Variants in COL24A1 observed in about 807,000 individuals in gnomAD.
The protein encoded by COL24A1 is collagen type XXIV alpha 1 chain, also known as collagen alpha-1(XXIV) chain.
In COL24A1, 224 loss-of-function variants were observed where a neutral mutation model predicts 253.9. The observed-to-expected ratio is 0.88, with a 90% CI of 0.79 to 0.99. COL24A1 has a LOEUF of 0.99. Ranked by LOEUF, COL24A1 falls within the 50% of genes least tolerant of loss-of-function variation. COL24A1 has a pLI of 0.00. For missense variants in COL24A1, 2,131 were observed against 2,068.5 expected, an observed-to-expected ratio of 1.03 and a Z score of -0.59; for synonymous variants, 685 against 673.7, an observed-to-expected ratio of 1.02 and a Z score of -0.26.
intron 28 of COL24A1, among the ~76,000 whole-genome samples, chr1:85,906,674 T>C (rs1338053860): frequency 3.3e-5 from 5 of 151,902 alleles, no homozygotes; most frequent in Non-Finnish European, 5.9e-5. Flanking sequence ...TTAAAAAGGA[T>C]TTAATGTTTA....
chr1:86,061,783 AT>A (rs1448977965), intron 8 of COL24A1, among the ~76,000 whole-genome samples: 1 of 152,050 alleles, frequency 6.6e-6, no homozygotes, highest in Non-Finnish European at 1.5e-5. Context: ...TTAAAGATAG[AT>A]TTTTTTAAAA....
intron 25 of COL24A1, among the ~76,000 whole-genome samples, chr1:85,910,542 A>G (rs559822383): frequency 1.3e-5 from 2 of 152,118 alleles, no homozygotes; most frequent in African/African-American, 4.8e-5. Context: ...AAGAGTATCA[A>G]CATTTTAGTA....
In COL24A1 at chr1:85,935,633, G is replaced by A. The variant is rs968499268; in HGVS notation, c.2563-24200C>T. 5.4e-5 allele frequency among the ~76,000 whole-genome samples: 8 copies of A among 147,602 alleles called. 1 individual carries two copies. The highest frequency in any genetic ancestry group is 2.0e-4 in the African/African-American group (8 of 40,336). ...TGGTCTATATGCTCTGTAAAGCAGGGATGATGTCTGTATTATCTTCTGTAT... is the reference window on the plus strand; with the variant it reads ...TGGTCTATATGCTCTGTAAAGCAGGAATGATGTCTGTATTATCTTCTGTAT... On this transcript the variant is annotated intron_variant, in intron 24 of 59. Transcript: ENST00000370571.
At chr1:86,094,407 C>T (rs961728429) in intron 5 of COL24A1, among the ~76,000 whole-genome samples, 1 of 151,966 alleles carries the variant, frequency 6.6e-6, no homozygotes, top group Non-Finnish European at 1.5e-5. Flanking sequence ...AAACCAAATA[C>T]CACATATTCT....
rs1230061696 is a variant in COL24A1, at chr1:86,141,702, C to CTTTTTTTTTTTTTTTTTTTTTTTT, written c.121+4416_121+4417insAAAAAAAAAAAAAAAAAAAAAAAA. 2.8e-5 allele frequency among the ~76,000 whole-genome samples: 4 copies of CTTTTTTTTTTTTTTTTTTTTTTTT among 142,242 alleles called. No individual in the cohort carries two copies. The East Asian group carries it at 8.1e-4, about 29-fold the overall frequency. 93.3% of individuals were successfully genotyped at this position (142,242 alleles called of 152,430 possible). A position where few individuals can be genotyped will look rare whatever the true frequency, so the allele number is the denominator to read the frequency against. ...TGTTAAGCATATTTTTAGTGTCTTA[C>CTTTTTTTTTTTTTTTTTTTTTTTT]TTTTTTTTTTTTTTTTGAGACAGAG... is the stretch of plus-strand genomic sequence containing the variant. On this transcript the variant is annotated intron_variant, in intron 2 of 59. Coordinates refer to ENST00000370571, the MANE Select transcript of COL24A1 (RefSeq NM_152890.7).
chr1:86,134,921 G>A (rs1175341515), intron 2 of COL24A1, among the ~76,000 whole-genome samples: 1 of 151,282 alleles, frequency 6.6e-6, no homozygotes, highest in East Asian at 1.9e-4. Flanking sequence ...CTTCTGTCTC[G>A]TGGATCTGTC....
chr1:85,826,274 A>G (rs1272580691), intron 43 of COL24A1, among the ~76,000 whole-genome samples: 1 of 146,690 alleles, frequency 6.8e-6, no homozygotes. Flanking sequence ...GTTCTGTTCC[A>G]TTGATCTATA....
intron 31 of COL24A1, among the ~76,000 whole-genome samples, chr1:85,890,073 T>C (rs541865460): frequency 6.6e-5 from 10 of 152,324 alleles, no homozygotes; most frequent in African/African-American, 2.2e-4. Flanking sequence ...TGTTGTAGCA[T>C]GTGTCAAAAC....
chr1:85,850,154 G>A (rs1677598375), intron 37 of COL24A1, among the ~76,000 whole-genome samples: 2 of 152,096 alleles, frequency 1.3e-5, no homozygotes, highest in African/African-American at 2.4e-5. Context: ...TTAAGTAAAA[G>A]TGGGGCACTA....
At chr1:86,149,600 G>A (rs1652453841) in intron 1 of COL24A1, among the ~76,000 whole-genome samples, 1 of 152,194 alleles carries the variant, frequency 6.6e-6, no homozygotes, top group Admixed American at 6.5e-5. Context: ...CAGATGCATA[G>A]AAACAACCCA....
At chr1:86,012,212 C>G (rs2101157482) in intron 19 of COL24A1, among the ~76,000 whole-genome samples, 1 of 152,288 alleles carries the variant, frequency 6.6e-6, no homozygotes, top group East Asian at 1.9e-4. Flanking sequence ...CTTTCTATAG[C>G]TGGCAGTTTT....
At chr1:86,031,385 G>A (rs979261553) in intron 14 of COL24A1, among the ~76,000 whole-genome samples, 13 of 151,992 alleles carry the variant, frequency 8.6e-5, no homozygotes, top group Non-Finnish European at 1.5e-5. Context: ...AAATAAAAGA[G>A]TGAAATTAGA....
chr1:85,966,915 G>A (rs536857083), intron 22 of COL24A1, among the ~76,000 whole-genome samples: 1 of 152,212 alleles, frequency 6.6e-6, no homozygotes, highest in South Asian at 2.1e-4. Flanking sequence ...GAGGGAAACT[G>A]ACACCAAAAA....
chr1:85,796,737 A>T (rs1019555665), intron 47 of COL24A1, among the ~76,000 whole-genome samples: 9 of 152,248 alleles, frequency 5.9e-5, no homozygotes, highest in Non-Finnish European at 1.2e-4. Context: ...AAATACATGC[A>T]GTGTACTATG....
Position 86,022,302 on chromosome 1 carries a change from A to G in COL24A1, c.2203-9T>C. 6.6e-7 allele frequency: 1 copy of G among 1,522,118 alleles called. No individual in the cohort carries two copies. The highest frequency in any genetic ancestry group is 8.7e-7 in the Non-Finnish European group (1 of 1,144,924). 94.3% of individuals were successfully genotyped at this position (1,522,118 alleles called of 1,614,324 possible). On this transcript the variant is annotated splice_polypyrimidine_tract_variant and intron_variant, in intron 17 of 59. Transcript: ENST00000370571. The stretch of plus-strand genomic sequence containing the variant: ...GGTAAACCAACAGCACCCTAAGAGA[A>G]GAGAATAACAGAAGAGAAAGTTATT...
chr1:86,015,009 C>A (rs545725437), intron 19 of COL24A1, among the ~76,000 whole-genome samples: 58 of 152,244 alleles, frequency 3.8e-4, no homozygotes, highest in Admixed American at 9.8e-4. Context: ...AGACCCTTTA[C>A]CTGAGTAAAA....
At chr1:85,816,583 T>G (rs924252047) in intron 47 of COL24A1, among the ~76,000 whole-genome samples, 1 of 152,192 alleles carries the variant, frequency 6.6e-6, no homozygotes, top group African/African-American at 2.4e-5. Flanking sequence ...ACACTATGAG[T>G]TATTAGATAT....
Position 85,868,595 on chromosome 1 carries a change from T to A in COL24A1, c.3224A>T (p.Glu1075Val). 1 of 1,613,748 alleles carries A rather than the reference T, an allele frequency of 6.2e-7. No individual in the cohort carries two copies. Among genetic ancestry groups the A allele is most frequent in the Non-Finnish European group, 8.5e-7 (1 of 1,179,852 alleles). The change falls in exon 37 of 60, where the codon GAG (glutamate) becomes GTG (valine). Residue 1075 changes from glutamate (E) to valine (V), a missense_variant. By Grantham distance (121) the Glu-to-Val change is moderately radical (BLOSUM62 -2). Transcript: ENST00000370571. ...GCCCATCTCTCCTTTTTCTCCATCC[T>A]CTCCAGGAAGTCCCCTTCCTCCTGG... Reference protein sequence around the residue: ...GVPGGRGLPGEDGEKGEMGLP... With the variant: ...GVPGGRGLPGVDGEKGEMGLP...
intron 47 of COL24A1, 116 bp downstream of exon 47, chr1:85,816,672 A>C: frequency 1.3e-6 from 1 of 795,964 alleles, no homozygotes; most frequent in Admixed American, 1.9e-5. Context: ...TAGAGAAATG[A>C]ACTGGCTTAA....
Sources: gnomAD v4.1 joint callset for allele counts (sites outside exome capture counted in the v4.1 genomes callset) on GRCh38, gnomAD v4.1.1 for gene constraint, MANE v1.5 for transcripts, NCBI Gene and HGNC (gene_info 2026-07-23, HGNC 2026-07-21) for gene names.